Variants in NINL observed in about 807,000 individuals in gnomAD.
NINL encodes ninein-like protein.
In NINL, 153 loss-of-function variants were observed where a neutral mutation model predicts 160.3. The ratio of observed to expected loss-of-function variants is 0.95; its 90% confidence interval spans 0.84 to 1.09. The LOEUF (loss-of-function observed/expected upper bound fraction) is 1.09, where lower values mean the gene tolerates loss of function less well. Ranked by LOEUF, NINL falls within the 50% of genes least tolerant of loss-of-function variation. The pLI, the probability that NINL is intolerant of heterozygous loss-of-function variation, is 0.00. For missense variants in NINL, 1,829 were observed against 1,764.0 expected (o/e 1.04, Z -0.66); for synonymous variants, 800 against 734.8 (o/e 1.09, Z -1.43).
At chr20:25,577,978 A>G (rs1193889040) in intron 1 of NINL, among the ~76,000 whole-genome samples, 3 of 151,588 alleles carry the variant, frequency 2.0e-5, no homozygotes, top group Non-Finnish European at 2.9e-5. Flanking sequence ...GATTACAGGC[A>G]TGTACCACCA....
intron 1 of NINL, among the ~76,000 whole-genome samples, chr20:25,546,078 T>C (rs772945742): frequency 4.6e-5 from 7 of 151,978 alleles, no homozygotes; most frequent in African/African-American, 1.7e-4. Context: ...TCTGCTTCCC[T>C]AAAATGCATA....
Position 25,512,986 on chromosome 20 carries a change from G to A in NINL, c.298C>T (p.Pro100Ser). ...LESAASSAIP[P>S]KYVNGSKWYG... ...CACTTAGAACCATTCACATACTTTG[G>A]AGGGATGGCACTGGAGGCAGCTGGA... The change falls in exon 4 of 24, where the codon CCA becomes TCA. Residue 100 changes from proline to serine, a missense_variant. Physicochemically the swap from Pro to Ser is moderately conservative, Grantham distance 74. Coordinates refer to ENST00000278886, the MANE Select transcript of NINL (RefSeq NM_025176.6). 4 of 1,604,272 alleles carry A rather than the reference G, an allele frequency of 2.5e-6. No individual in the cohort carries two copies. Among genetic ancestry groups the A allele is most frequent in the Non-Finnish European group, 3.4e-6 (4 of 1,172,956 alleles).
At chr20:25,515,793 CAG>C (rs1468158706) in intron 3 of NINL, among the ~76,000 whole-genome samples, 2 of 151,978 alleles carry the variant, frequency 1.3e-5, no homozygotes, top group East Asian at 1.9e-4. Context: ...TTTTTTGAGA[CAG>C]AGTCTCTCTC....
chr20:25,474,241 G>A (rs2063177059), intron 17 of NINL, among the ~76,000 whole-genome samples: 1 of 152,248 alleles, frequency 6.6e-6, no homozygotes, highest in Non-Finnish European at 1.5e-5. Context: ...ACTGGAGAAG[G>A]TGAGGCAGGG....
chr20:25,481,807 A>G, intron 14 of NINL, 161 bp downstream of exon 14: 1 of 1,050,980 alleles, frequency 9.5e-7, no homozygotes, highest in South Asian at 1.7e-5. Context: ...ACCCTGTGGC[A>G]TCCCTGGATC....
At chr20:25,488,860 T>C (rs1471851982) in intron 13 of NINL, 2 of 182,866 alleles carry the variant, frequency 1.1e-5, no homozygotes, top group East Asian at 1.3e-4. Context: ...CAAAAGCTCT[T>C]TGGGGTCCTT....
chr20:25,560,651 G>A (rs1385463159), intron 1 of NINL, among the ~76,000 whole-genome samples: 1 of 152,094 alleles, frequency 6.6e-6, no homozygotes, highest in Admixed American at 6.6e-5. Context: ...ATAGCCCCCT[G>A]TACCTCTGCT....
At chr20:25,561,545 G>A (rs1361760493) in intron 1 of NINL, among the ~76,000 whole-genome samples, 2 of 151,278 alleles carry the variant, frequency 1.3e-5, no homozygotes, top group East Asian at 2.0e-4. Flanking sequence ...TCTGGAAAGT[G>A]AGAAGCGTCT....
At chr20:25,501,286 A>G (rs2063862716) in intron 7 of NINL, among the ~76,000 whole-genome samples, 1 of 152,266 alleles carries the variant, frequency 6.6e-6, no homozygotes, top group South Asian at 2.1e-4. Context: ...CCAACCGGCC[A>G]GCCCCAGTCA....
intron 17 of NINL, among the ~76,000 whole-genome samples, chr20:25,474,188 C>G (rs1167078050): frequency 6.6e-6 from 1 of 152,216 alleles, no homozygotes; most frequent in Admixed American, 6.5e-5. Flanking sequence ...CTCGGCCATC[C>G]AGGGCTGGCT....
At chr20:25,570,693 A>ATT (rs1423732606) in intron 1 of NINL, among the ~76,000 whole-genome samples, 1 of 74,124 alleles carries the variant, frequency 1.3e-5, no homozygotes, top group African/African-American at 4.9e-5. Flanking sequence ...GGGCAAGTAG[A>ATT]CTTTTTTTTT....
intron 8 of NINL, 105 bp downstream of exon 8, chr20:25,500,735 C>G (rs2146785570): frequency 8.0e-7 from 1 of 1,247,888 alleles, no homozygotes; most frequent in East Asian, 2.4e-5. Flanking sequence ...ACAGAGCACA[C>G]ACCCCTGCTG....
At chr20:25,496,438 G>C (rs1178905884) in intron 10 of NINL, among the ~76,000 whole-genome samples, 1 of 152,220 alleles carries the variant, frequency 6.6e-6, no homozygotes, top group Non-Finnish European at 1.5e-5. Context: ...TCGGCCCATG[G>C]GGACGTAGCC....
Position 25,476,427 on chromosome 20 carries a change from G to C in NINL, c.2864C>G (p.Pro955Arg), listed in dbSNP as rs576265906. The change falls in exon 17 of 24, where the codon CCA (proline) becomes CGA (arginine). Residue 955 changes from proline to arginine, a missense_variant. Coordinates refer to ENST00000278886, the MANE Select transcript of NINL (RefSeq NM_025176.6). ...CCTCAGGGGTGGCTCCCACATCCGTGGCTGGGTTTGCGAGGCGTCTCTCTC... is the reference window on the plus strand; with the variant it reads ...CCTCAGGGGTGGCTCCCACATCCGTCGCTGGGTTTGCGAGGCGTCTCTCTC... ...GTERDASQTQ[P>R]RMWEPPLRPA... 1.2e-5 allele frequency: 20 copies of C among 1,609,578 alleles called. No individual in the cohort carries two copies. The Middle Eastern group carries it at 2.3e-3, about 186-fold the overall frequency.
intron 7 of NINL, among the ~76,000 whole-genome samples, chr20:25,503,115 T>C (rs1283796937): frequency 1.3e-5 from 2 of 152,082 alleles, no homozygotes; most frequent in Non-Finnish European, 2.9e-5. Flanking sequence ...AGCAGCATGT[T>C]CCTCACCTTA....
chr20:25,463,889 TC>T (rs2062849805), intron 19 of NINL, among the ~76,000 whole-genome samples: 2 of 152,218 alleles, frequency 1.3e-5, no homozygotes, highest in Non-Finnish European at 2.9e-5. Flanking sequence ...ACCTCAAGCC[TC>T]AGGTTAAGAG....
rs1231531444 is a variant in NINL at position 25,576,682 on chromosome 20, G to A, written c.-12+8773C>T. Among the ~76,000 whole-genome samples the A allele has an allele frequency of 2.6e-5, 4 of 151,852 alleles. No homozygotes were observed. In the East Asian group the frequency reaches 5.8e-4, roughly 22 times the overall value. On this transcript the variant is annotated intron_variant, in intron 1 of 23. Transcript: ENST00000278886. The stretch of plus-strand genomic sequence containing the variant: ...TCAGTACATTGCCCAGGTTGGTCTC[G>A]AACTCCTGAACTCAAGAGATCCTCT...
intron 1 of NINL, among the ~76,000 whole-genome samples, chr20:25,543,271 C>T (rs768948877): frequency 1.0e-4 from 15 of 150,016 alleles, no homozygotes; most frequent in Non-Finnish European, 7.4e-5. Context: ...CAGTTGCAGC[C>T]GGGTGTGGTG....
chr20:25,508,656 AAC>A (rs2064008098), intron 5 of NINL, among the ~76,000 whole-genome samples: 1 of 152,180 alleles, frequency 6.6e-6, no homozygotes, highest in Admixed American at 6.5e-5. Context: ...GTCCTTCTAC[AAC>A]AGGGGGAGCT....
Sources: gnomAD v4.1 joint callset for allele counts (sites outside exome capture counted in the v4.1 genomes callset) on GRCh38, gnomAD v4.1.1 for gene constraint, MANE v1.5 for transcripts, NCBI Gene and HGNC (gene_info 2026-07-23, HGNC 2026-07-21) for gene names.